Variants in SLC1A2 observed in about 807,000 individuals in gnomAD.
The protein encoded by SLC1A2 is solute carrier family 1 member 2.
In SLC1A2, 15 loss-of-function variants were observed where a neutral mutation model predicts 48.8. The ratio of observed to expected loss-of-function variants is 0.31; its 90% CI spans 0.21 to 0.47. SLC1A2 has a LOEUF of 0.47. Among genes scored for constraint, SLC1A2 ranks in the 20% least tolerant of loss-of-function variants. SLC1A2 has a pLI of 0.99. For synonymous variants in SLC1A2, 279 were observed against 272.6 expected, an observed-to-expected ratio of 1.02 and a Z score of -0.23; for missense variants, 502 against 730.5, an observed-to-expected ratio of 0.69 and a Z score of 3.61.
intron 1 of SLC1A2, among the ~76,000 whole-genome samples, chr11:35,383,502 T>C (rs1854493807): frequency 6.6e-6 from 1 of 152,188 alleles, no homozygotes; most frequent in Non-Finnish European, 1.5e-5. Context: ...CTGCTTAGGT[T>C]TGGATTCTGG....
chr11:35,323,358 G>A (rs1852139695), intron 1 of SLC1A2: 1 of 155,096 alleles, frequency 6.4e-6, no homozygotes, highest in Non-Finnish European at 1.4e-5. Context: ...TGGATATAAT[G>A]TTACCTTCTG....
intron 1 of SLC1A2, among the ~76,000 whole-genome samples, chr11:35,340,403 T>C (rs1385293540): frequency 2.0e-5 from 3 of 152,220 alleles, no homozygotes; most frequent in African/African-American, 4.8e-5. Context: ...CTGAGCTCCC[T>C]ATCTGCTTTA....
At chr11:35,293,081 T>G (rs1162828398) in intron 6 of SLC1A2, among the ~76,000 whole-genome samples, 1 of 152,218 alleles carries the variant, frequency 6.6e-6, no homozygotes, top group Non-Finnish European at 1.5e-5. Flanking sequence ...CTGAAAGTCT[T>G]TTTTCCATAC....
At chr11:35,262,259 G>C (rs1378098912) in intron 10 of SLC1A2, among the ~76,000 whole-genome samples, 1 of 152,308 alleles carries the variant, frequency 6.6e-6, no homozygotes, top group East Asian at 1.9e-4. Flanking sequence ...CATCAATAGT[G>C]GTACAAAATT....
chr11:35,356,530 C>T (rs542791677), intron 1 of SLC1A2, among the ~76,000 whole-genome samples: 10 of 152,314 alleles, frequency 6.6e-5, no homozygotes, highest in African/African-American at 1.7e-4. Context: ...GGCAAAAATG[C>T]GGTGCATTCC....
intron 1 of SLC1A2, among the ~76,000 whole-genome samples, chr11:35,387,794 T>C (rs7108848): frequency 0.19 from 28,214 of 151,954 alleles, 2,800 homozygotes; most frequent in African/African-American, 0.25. Context: ...CCACTGCACC[T>C]TTCTGGAAGG....
intron 1 of SLC1A2, among the ~76,000 whole-genome samples, chr11:35,329,907 A>T (rs1050094098): frequency 6.6e-6 from 1 of 152,204 alleles, no homozygotes; most frequent in Non-Finnish European, 1.5e-5. Context: ...GATGCTTTAC[A>T]TGCATTATTT....
At position 35,389,440 on chromosome 11, in the gene SLC1A2, T is replaced by TCTTCTC. The variant is rs148540771; in HGVS notation, c.17+29504_17+29509dup. ...TTTTTAACTATTAGTATTTTCTTCTTCTTCTCCTTCTCCTTCTTCTTCTTC... is the reference window on the plus strand; with the variant it reads ...TTTTTAACTATTAGTATTTTCTTCTTCTTCTCCTTCTCCTTCTCCTTCTTCTTCTTC... On this transcript the variant is annotated intron_variant, in intron 1 of 10. Transcript: ENST00000278379. Among the ~76,000 whole-genome samples, 1,258 of 151,324 alleles carry TCTTCTC rather than the reference T, an allele frequency of 8.3e-3. 19 individuals carry two copies. The highest frequency in any genetic ancestry group is 0.029 in the African/African-American group (1,211 of 41,134).
At position 35,390,283 on chromosome 11, in the gene SLC1A2, C is replaced by T. The variant is rs116600973; in HGVS notation, c.17+28667G>A. ...CATGATGTCTCAGCGCACACCCACACACAGGCACGTGCACACACAGGCATT... is the reference window on the plus strand; with the variant it reads ...CATGATGTCTCAGCGCACACCCACATACAGGCACGTGCACACACAGGCATT... On this transcript the variant is annotated intron_variant, in intron 1 of 10. Coordinates refer to ENST00000278379, the MANE Select transcript of SLC1A2 (RefSeq NM_004171.4). 8.8e-3 allele frequency among the ~76,000 whole-genome samples: 1,341 copies of T among 152,320 alleles called. 15 individuals are homozygous for T. Among genetic ancestry groups the T allele is most frequent in the African/African-American group, 0.031 (1,287 of 41,556 alleles).
At chr11:35,297,922 C>G (rs1374011865) in intron 6 of SLC1A2, 5 of 152,186 alleles carry the variant, frequency 3.3e-5, no homozygotes, top group African/African-American at 1.2e-4. Flanking sequence ...CTAGAATTAT[C>G]CCATTTTACA....
chr11:35,313,389 A>T (rs1342428139), intron 3 of SLC1A2, among the ~76,000 whole-genome samples: 1 of 152,180 alleles, frequency 6.6e-6, no homozygotes, highest in Non-Finnish European at 1.5e-5. Flanking sequence ...TGGGCACTTC[A>T]TCTATACCTA....
intron 1 of SLC1A2, among the ~76,000 whole-genome samples, chr11:35,408,023 G>A (rs1465817207): frequency 6.6e-6 from 1 of 152,184 alleles, no homozygotes; most frequent in African/African-American, 2.4e-5. Flanking sequence ...CCAGTATGCT[G>A]AACCAAATTC....
intron 9 of SLC1A2, among the ~76,000 whole-genome samples, chr11:35,272,041 T>C (rs1189099188): frequency 6.6e-6 from 1 of 152,096 alleles, no homozygotes; most frequent in Non-Finnish European, 1.5e-5. Flanking sequence ...AAATGGCAGA[T>C]GGAAATGGAA....
chr11:35,328,317 G>A (rs1260366429), intron 1 of SLC1A2, among the ~76,000 whole-genome samples: 1 of 152,196 alleles, frequency 6.6e-6, no homozygotes, highest in African/African-American at 2.4e-5. Context: ...GGACCCTAAT[G>A]TCTGGTAACT....
At chr11:35,261,958 A>G in intron 10 of SLC1A2, 1 of 381,590 alleles carries the variant, frequency 2.6e-6, no homozygotes, top group Non-Finnish European at 4.6e-6. Flanking sequence ...TTTTTTCAGA[A>G]AAACAGACCA....
chr11:35,327,517 T>A (rs1277942181), intron 1 of SLC1A2, among the ~76,000 whole-genome samples: 1 of 152,196 alleles, frequency 6.6e-6, no homozygotes, highest in East Asian at 1.9e-4. Flanking sequence ...GCCTTCATCT[T>A]CCTTCTACTC....
intron 6 of SLC1A2, among the ~76,000 whole-genome samples, chr11:35,297,065 CTTTG>C (rs1198807568): frequency 2.0e-5 from 3 of 152,074 alleles, no homozygotes; most frequent in African/African-American, 2.4e-5. Context: ...GACAAAGATT[CTTTG>C]TTTGACCAAA....
At chr11:35,374,444 A>G (rs963964728) in intron 1 of SLC1A2, 9 of 392,096 alleles carry the variant, frequency 2.3e-5, no homozygotes, top group South Asian at 1.5e-4. Context: ...ATTTGAAGAT[A>G]GATGAGACAG....
intron 9 of SLC1A2, among the ~76,000 whole-genome samples, chr11:35,275,171 C>A (rs889799071): frequency 3.9e-5 from 6 of 152,196 alleles, no homozygotes; most frequent in Non-Finnish European, 8.8e-5. Flanking sequence ...TTGGGAGGAG[C>A]TTCAGAGCCC....
Sources: gnomAD v4.1 joint callset for allele counts (sites outside exome capture counted in the v4.1 genomes callset) on GRCh38, gnomAD v4.1.1 for gene constraint, MANE v1.5 for transcripts, NCBI Gene and HGNC (gene_info 2026-07-23, HGNC 2026-07-21) for gene names.